Variants in TIMM23B observed in about 807,000 individuals in gnomAD.
The protein encoded by TIMM23B is mitochondrial import inner membrane translocase subunit Tim23B.
Under a neutral mutation model 27.3 loss-of-function variants are expected in TIMM23B, and 27 were observed. The observed-to-expected ratio is 0.99, with a 90% CI of 0.73 to 1.36. The LOEUF (loss-of-function observed/expected upper bound fraction) is 1.36, where lower values mean the gene tolerates loss of function less well. Ranked by LOEUF, TIMM23B falls within the 40% of genes most tolerant of loss-of-function variation. The pLI is 0.00. For synonymous variants in TIMM23B, 73 were observed against 92.4 expected (o/e 0.79, Z 1.21); for missense variants, 205 against 244.2 (o/e 0.84, Z 1.07).
chr10:49,951,345 G>A (rs1839520843), intron 2 of TIMM23B, among the ~76,000 whole-genome samples: 1 of 151,648 alleles, frequency 6.6e-6, no homozygotes, highest in Admixed American at 6.6e-5. Context: ...GCCATTAGAG[G>A]CTTATTTTAA....
At chr10:49,959,936 A>G (rs1839842116) in intron 6 of TIMM23B, among the ~76,000 whole-genome samples, 1 of 150,826 alleles carries the variant, frequency 6.6e-6, no homozygotes, top group South Asian at 2.1e-4. Context: ...TTTAGTAGAG[A>G]CGGGGTTTCA....
intron 2 of TIMM23B, among the ~76,000 whole-genome samples, 167 bp from the exon 3 acceptor site, chr10:49,951,959 G>A (rs2133063345): frequency 6.6e-6 from 1 of 152,314 alleles, no homozygotes; most frequent in African/African-American, 2.4e-5. Context: ...ATTTCACTTT[G>A]ATTTAGGTGT....
intron 5 of TIMM23B, among the ~76,000 whole-genome samples, chr10:49,957,321 C>G (rs1839757712): frequency 6.8e-6 from 1 of 148,000 alleles, no homozygotes; most frequent in Non-Finnish European, 1.5e-5. Flanking sequence ...CAGTGGAGCT[C>G]ACTGCAACCT....
chr10:49,973,291 C>T lies in TIMM23B; in HGVS notation c.*227C>T. ...TGCTGTTATTTTTGTGTTTACTCAC[C>T]TCATTTATATTGACTTGTAAATTAG... On this transcript the variant is annotated 3_prime_UTR_variant, in exon 7 of 7. Transcript: ENST00000651259. The T allele has an allele frequency of 2.1e-6, 1 of 466,928 alleles. No individual in the cohort carries two copies. The highest frequency in any genetic ancestry group is 3.8e-6 in the Non-Finnish European group (1 of 265,888). The allele number at this position is 466,928 out of a possible 1,614,324, so 28.9% of individuals were successfully genotyped here. A position where few individuals can be genotyped will look rare whatever the true frequency, so the allele number is the denominator to read the frequency against.
chr10:49,956,016 A>G (rs1369719127), intron 5 of TIMM23B, among the ~76,000 whole-genome samples: 2 of 152,048 alleles, frequency 1.3e-5, no homozygotes, highest in African/African-American at 2.4e-5. Context: ...CCAAGAAACT[A>G]TGTTCCAATA....
chr10:49,953,467 T>G (rs1489308540), intron 4 of TIMM23B, among the ~76,000 whole-genome samples: 1 of 152,150 alleles, frequency 6.6e-6, no homozygotes, highest in Non-Finnish European at 1.5e-5. Flanking sequence ...CACCTCAGCC[T>G]CCCGAGTAGC....
chr10:49,960,248 A>C (rs1178301531), intron 6 of TIMM23B, among the ~76,000 whole-genome samples: 1 of 146,932 alleles, frequency 6.8e-6, no homozygotes, highest in Non-Finnish European at 1.5e-5. Flanking sequence ...ATGGGGTCTC[A>C]CTATGTTGCC....
At chr10:49,968,950 A>G (rs1208909840) in intron 6 of TIMM23B, among the ~76,000 whole-genome samples, 9 of 152,246 alleles carry the variant, frequency 5.9e-5, no homozygotes, top group South Asian at 2.1e-4. Context: ...ATGATTATCA[A>G]TTTACAGGAT....
At chr10:49,964,027 G>A (rs1427066877) in intron 6 of TIMM23B, among the ~76,000 whole-genome samples, 36 of 151,998 alleles carry the variant, frequency 2.4e-4, no homozygotes, top group African/African-American at 7.5e-4. Context: ...TGCGTGTGGT[G>A]CACTCCAGCC....
Position 49,942,116 on chromosome 10 carries a change from C to T in TIMM23B, c.-79C>T, listed in dbSNP as rs1311346509. On this transcript the variant is annotated 5_prime_UTR_variant, in exon 1 of 7. Coordinates refer to ENST00000651259, the MANE Select transcript of TIMM23B (RefSeq NM_001290117.2). The stretch of plus-strand genomic sequence containing the variant: ...GGCGCTGGCAACGCGGGGTTACCCG[C>T]TGTTATTGAGGAGTAACGGCCCAGC... 2.6e-5 allele frequency: 38 copies of T among 1,468,994 alleles called. No homozygotes were observed. Among genetic ancestry groups the T allele is most frequent in the African/African-American group, 5.7e-5 (4 of 70,450 alleles). 91.0% of individuals were successfully genotyped at this position (1,468,994 alleles called of 1,614,324 possible).
intron 5 of TIMM23B, among the ~76,000 whole-genome samples, chr10:49,957,184 G>T (rs1344218733): frequency 6.6e-6 from 1 of 151,646 alleles, no homozygotes; most frequent in Admixed American, 6.6e-5. Context: ...CTTTGGGTTT[G>T]ATTAATTTAT....
chr10:49,973,275 T>G lies in TIMM23B; in HGVS notation c.*211T>G, dbSNP rs1294982575. ...ATGAACTGTTTATTTATGCTGTTAT[T>G]TTTGTGTTTACTCACCTCATTTATA... is the stretch of plus-strand genomic sequence containing the variant. On this transcript the variant is annotated 3_prime_UTR_variant, in exon 7 of 7. Transcript: ENST00000651259. 2.1e-6 allele frequency: 1 copy of G among 468,016 alleles called. No homozygotes were observed. Among genetic ancestry groups the G allele is most frequent in the African/African-American group, 2.0e-5 (1 of 50,210 alleles). The allele number at this position is 468,016 out of a possible 1,614,324, so 29.0% of individuals were successfully genotyped here.
At chr10:49,951,766 C>G (rs1203380157) in intron 2 of TIMM23B, among the ~76,000 whole-genome samples, 40 of 152,310 alleles carry the variant, frequency 2.6e-4, no homozygotes, top group Admixed American at 2.4e-3. Flanking sequence ...ATAGCTGCTA[C>G]AGAATGAAAG....
intron 6 of TIMM23B, among the ~76,000 whole-genome samples, chr10:49,966,617 G>C (rs1399150959): frequency 6.6e-6 from 1 of 152,070 alleles, no homozygotes; most frequent in Non-Finnish European, 1.5e-5. Context: ...CCTGAGGTCA[G>C]GAGTTCAAGA....
chr10:49,952,390 T>G (rs1298280062), intron 3 of TIMM23B, 59 bp from the exon 4 acceptor site: 2 of 1,572,024 alleles, frequency 1.3e-6, no homozygotes, highest in Non-Finnish European at 1.7e-6. Context: ...TATGCAGTTT[T>G]GAGGTTTTTT....
In TIMM23B at chr10:49,942,175, A is replaced by C; in HGVS notation, c.-20A>C. The C allele has an allele frequency of 1.1e-5, 17 of 1,572,534 alleles. No homozygotes were observed. In the South Asian group the frequency reaches 1.9e-4, roughly 18 times the overall value. On this transcript the variant is annotated 5_prime_UTR_variant, in exon 1 of 7. Transcript: ENST00000651259. ...CAGGCTTGAGGCAGCGGCGGGAACC[A>C]CTCGGTTTGCTGCGATACCATGGAA...
At chr10:49,946,318 T>C (rs2133050291) in intron 2 of TIMM23B, among the ~76,000 whole-genome samples, 1 of 152,072 alleles carries the variant, frequency 6.6e-6, no homozygotes, top group South Asian at 2.1e-4. Context: ...AGGAACAAAA[T>C]AAGTATATTT....
chr10:49,968,313 TACTCTC>T (rs1840258709), intron 6 of TIMM23B, among the ~76,000 whole-genome samples: 1 of 152,264 alleles, frequency 6.6e-6, no homozygotes, highest in African/African-American at 2.4e-5. Context: ...AAAAGCCTCT[TACTCTC>T]AGATAGCTCA....
intron 3 of TIMM23B, 56 bp downstream of exon 3, chr10:49,952,275 G>T (rs1379156641): frequency 2.9e-5 from 44 of 1,523,714 alleles, no homozygotes; most frequent in Non-Finnish European, 3.4e-5. Context: ...TTGAGGGTGC[G>T]TAAAATCAAA....
Sources: gnomAD v4.1 joint callset for allele counts (sites outside exome capture counted in the v4.1 genomes callset) on GRCh38, gnomAD v4.1.1 for gene constraint, MANE v1.5 for transcripts, NCBI Gene and HGNC (gene_info 2026-07-23, HGNC 2026-07-21) for gene names.